Variants in FGF13 observed in about 807,000 individuals in gnomAD.
FGF13 encodes fibroblast growth factor 13.
A neutral mutation model predicts 19.5 loss-of-function variants in FGF13; 2 were observed. The ratio of observed to expected loss-of-function variants is 0.10; its 90% CI spans 0.04 to 0.32. The LOEUF (loss-of-function observed/expected upper bound fraction) is 0.32, where lower values mean the gene tolerates loss of function less well. Among genes scored for constraint, FGF13 ranks in the 10% least tolerant of loss-of-function variants. The probability of loss-of-function intolerance (pLI) is 1.00; values close to 1 mark genes in which losing one functional copy is unlikely to be tolerated. For synonymous variants in FGF13, 72 were observed against 76.9 expected (o/e 0.94, Z 0.33); for missense variants, 113 against 192.7 (o/e 0.59, Z 2.45).
intron 1 of FGF13, among the ~76,000 whole-genome samples, chrX:138,978,829 G>A (rs1208445512): frequency 2.7e-5 from 3 of 111,804 alleles, no homozygotes; most frequent in Non-Finnish European, 3.8e-5. Context: ...ATGTTTTACA[G>A]GATTTTGAGA....
rs753925105 is a variant in FGF13 at position 138,786,423 on chromosome X, C to T, written c.217+71089G>A. ...GCTTTACTGGCAGGAAATCAAAAGA[C>T]CATGGCAGCTCTTTTCCAAGTAAGG... On this transcript the variant is annotated intron_variant, in intron 3 of 6. Coordinates refer to the FGF13 transcript ENST00000436198. 1.7e-4 allele frequency among the ~76,000 whole-genome samples: 19 copies of T among 111,876 alleles called. 1 individual carries two copies. In the South Asian group the frequency reaches 7.2e-3, roughly 42 times the overall value.
intron 3 of FGF13, among the ~76,000 whole-genome samples, chrX:138,651,518 C>G (rs1259700757): frequency 8.9e-6 from 1 of 111,817 alleles, no homozygotes; most frequent in Non-Finnish European, 1.9e-5. Context: ...GAGTCACAGC[C>G]TGGTAGTAAA....
chrX:139,135,779 C>G (rs1449263806), intron 1 of FGF13, among the ~76,000 whole-genome samples: 1 of 111,520 alleles, frequency 9.0e-6, no homozygotes, highest in African/African-American at 3.3e-5. Flanking sequence ...TATTTGGGGG[C>G]TCAAAGAATT....
intron 3 of FGF13, among the ~76,000 whole-genome samples, chrX:138,756,918 T>C (rs2090435117): frequency 8.9e-6 from 1 of 111,737 alleles, no homozygotes; most frequent in South Asian, 3.8e-4. Context: ...CTTTACCTAC[T>C]TCCAAGCTGA....
chrX:138,828,409 A>C, intron 3 of FGF13, among the ~76,000 whole-genome samples: 1 of 110,014 alleles, frequency 9.1e-6, no homozygotes, highest in Non-Finnish European at 1.9e-5. Flanking sequence ...TCTACTAAAA[A>C]TACAAAAAAA....
intron 1 of FGF13, among the ~76,000 whole-genome samples, chrX:139,046,316 G>T (rs180881296): frequency 9.0e-6 from 1 of 111,135 alleles, no homozygotes; most frequent in Non-Finnish European, 1.9e-5. Context: ...CGAGGGATCC[G>T]CCCCCATAAT....
chrX:138,990,290 C>T (rs1035154695), intron 1 of FGF13, among the ~76,000 whole-genome samples: 1 of 109,987 alleles, frequency 9.1e-6, no homozygotes, highest in Admixed American at 9.8e-5. Flanking sequence ...ACAGCCCTTA[C>T]ACCTATGTAC....
chrX:139,045,993 C>G (rs749060179), intron 1 of FGF13, among the ~76,000 whole-genome samples: 1 of 111,731 alleles, frequency 9.0e-6, no homozygotes, highest in Non-Finnish European at 1.9e-5. Flanking sequence ...ATACCCCACT[C>G]GTGGTACCAA....
chrX:138,742,485 AGG>A (rs1372855482), upstream of FGF13, among the ~76,000 whole-genome samples: 6 of 91,004 alleles, frequency 6.6e-5, no homozygotes, highest in Admixed American at 6.9e-4. Flanking sequence ...GCCATCAGCA[AGG>A]GGCTCTCTCT....
At chrX:138,821,488 G>GT (rs905481174) in intron 3 of FGF13, among the ~76,000 whole-genome samples, 3 of 111,811 alleles carry the variant, frequency 2.7e-5, no homozygotes, top group Non-Finnish European at 5.6e-5. Context: ...CTGATGAGTA[G>GT]TTAGTATCTG....
intron 3 of FGF13, among the ~76,000 whole-genome samples, chrX:138,695,856 A>AGC (rs746770356): frequency 5.2e-4 from 59 of 112,485 alleles, no homozygotes; most frequent in African/African-American, 1.9e-3. Context: ...TGTATAAGAA[A>AGC]AATGGAATAT....
intron 1 of FGF13, among the ~76,000 whole-genome samples, chrX:139,165,477 G>A (rs1404590857): frequency 9.0e-6 from 1 of 111,703 alleles, no homozygotes; most frequent in Non-Finnish European, 1.9e-5. Flanking sequence ...AGGGAGCCAG[G>A]TGCTAGCCAT....
Position 138,621,781 on chromosome X carries a change from A to G in FGF13, c.*11069T>C, listed in dbSNP as rs765802682. 2 of 111,558 alleles carry G rather than the reference A, an allele frequency of 1.8e-5. No homozygotes were observed. Among genetic ancestry groups the G allele is most frequent in the Non-Finnish European group, 1.9e-5 (1 of 53,015 alleles). 9.2% of individuals were successfully genotyped at this position (111,558 alleles called of 1,213,427 possible). A position where few individuals can be genotyped will look rare whatever the true frequency, so the allele number is the denominator to read the frequency against. The stretch of plus-strand genomic sequence containing the variant: ...GAGAAGACATTACAACTGATACCAT[A>G]GAAATATAAATGATCATTAGAGACT... On this transcript the variant is annotated 3_prime_UTR_variant, in exon 5 of 5. Coordinates refer to ENST00000315930, the MANE Select transcript of FGF13 (RefSeq NM_004114.5).
intron 1 of FGF13, among the ~76,000 whole-genome samples, chrX:138,962,011 A>AATT (rs2091873477): frequency 1.8e-5 from 2 of 112,137 alleles, no homozygotes; most frequent in Admixed American, 1.9e-4. Flanking sequence ...AATTAAACTA[A>AATT]AGAGCTTCTG....
intron 3 of FGF13, among the ~76,000 whole-genome samples, chrX:138,819,550 A>C (rs1374813634): frequency 9.0e-6 from 1 of 111,245 alleles, no homozygotes; most frequent in African/African-American, 3.3e-5. Flanking sequence ...TCCATTCATA[A>C]ATGTATGGCT....
chrX:138,681,301 C>T (rs2089726831), intron 3 of FGF13, among the ~76,000 whole-genome samples: 1 of 112,463 alleles, frequency 8.9e-6, no homozygotes, highest in Admixed American at 9.4e-5. Flanking sequence ...CTTCACCTTG[C>T]ACTTTTATGT....
Position 138,614,750 on chromosome X carries a change from C to T in FGF13, c.*18100G>A, listed in dbSNP as rs1280387637. The T allele has an allele frequency of 8.9e-6, 1 of 111,931 alleles. No homozygotes were observed. Among genetic ancestry groups the T allele is most frequent in the African/African-American group, 3.2e-5 (1 of 30,813 alleles). The allele number at this position is 111,931 out of a possible 1,213,427, so 9.2% of individuals were successfully genotyped here. The stretch of plus-strand genomic sequence containing the variant: ...TCTTATACATGAATGTTCATAGCAA[C>T]TTTATTTGTAATAGCCCAAAAGTAG... On this transcript the variant is annotated 3_prime_UTR_variant, in exon 5 of 5. Transcript: ENST00000315930.
chrX:138,843,352 C>T (rs1169903527), intron 3 of FGF13, among the ~76,000 whole-genome samples: 1 of 112,315 alleles, frequency 8.9e-6, no homozygotes, highest in Non-Finnish European at 1.9e-5. Context: ...GGTTAGCTCA[C>T]ATGTTCCACT....
intron 1 of FGF13, among the ~76,000 whole-genome samples, chrX:139,143,279 C>A (rs1339922990): frequency 9.0e-6 from 1 of 111,616 alleles, no homozygotes; most frequent in African/African-American, 3.3e-5. Flanking sequence ...TTACTCATGC[C>A]TATGGTAATA....
Sources: gnomAD v4.1 joint callset for allele counts (sites outside exome capture counted in the v4.1 genomes callset) on GRCh38, gnomAD v4.1.1 for gene constraint, MANE v1.5 for transcripts, NCBI Gene and HGNC (gene_info 2026-07-23, HGNC 2026-07-21) for gene names.